Variants in RASGRF1 observed in about 807,000 individuals in gnomAD.
The protein encoded by RASGRF1 is ras-specific guanine nucleotide-releasing factor 1.
RASGRF1 carries 40 observed loss-of-function variants against 138.7 expected under a neutral mutation model. The observed-to-expected ratio is 0.29, with a 90% CI of 0.22 to 0.38. The LOEUF (loss-of-function observed/expected upper bound fraction) is 0.38, where lower values mean the gene tolerates loss of function less well. RASGRF1 is among the 10% of genes least tolerant of loss of function. RASGRF1 has a pLI of 1.00. For synonymous variants in RASGRF1, 614 were observed against 663.2 expected (o/e 0.93, Z 1.14); for missense variants, 1,108 against 1,650.4 (o/e 0.67, Z 5.69).
At chr15:79,048,702 C>T (rs969487545) in intron 4 of RASGRF1, among the ~76,000 whole-genome samples, 15 of 152,348 alleles carry the variant, frequency 9.8e-5, no homozygotes, top group Middle Eastern at 3.4e-3. Flanking sequence ...AAAAAGCCCA[C>T]TGTGTGGGAT....
Position 79,003,984 on chromosome 15 carries a change from A to G in RASGRF1, c.2267T>C (p.Leu756Pro). The G allele has an allele frequency of 6.2e-7, 1 of 1,614,130 alleles. No individual in the cohort carries two copies. ...PIITGGKALD[L>P]AALSCNSNGY... ...ATTGGAGTTGCAGCTGAGGGCGGCC[A>G]GGTCCAGGGCCTTGCCGCCAGTGAT... The change falls in exon 15 of 27, where the codon CTG becomes CCG. Residue 756 changes from leucine (L) to proline (P), a missense_variant. Around this residue, in one of 3 missense-constraint regions of RASGRF1, gnomAD observed 686 missense variants for 976.7 expected, o/e 0.70. Transcript: ENST00000558480.
chr15:79,071,364 C>CT (rs71451741), intron 1 of RASGRF1, among the ~76,000 whole-genome samples: 16,889 of 141,858 alleles, frequency 0.12, 1,071 homozygotes, highest in Middle Eastern at 0.16. Context: ...TTTCTTTTTT[C>CT]TTTTTTTTTT....
intron 13 of RASGRF1, among the ~76,000 whole-genome samples, chr15:79,008,037 T>C (rs995724311): frequency 4.0e-5 from 6 of 151,768 alleles, no homozygotes; most frequent in Non-Finnish European, 8.8e-5. Flanking sequence ...GAGATGGGGT[T>C]TCACCATGTT....
At chr15:78,977,364 C>T (rs2055894568) in intron 24 of RASGRF1, among the ~76,000 whole-genome samples, 1 of 152,072 alleles carries the variant, frequency 6.6e-6, no homozygotes, top group Non-Finnish European at 1.5e-5. Flanking sequence ...GGGCTGAATC[C>T]CCTGGGGCCA....
At chr15:79,000,690 A>G (rs1223505195) in intron 16 of RASGRF1, among the ~76,000 whole-genome samples, 2 of 152,190 alleles carry the variant, frequency 1.3e-5, no homozygotes, top group Non-Finnish European at 2.9e-5. Context: ...AGCAATCCAG[A>G]CTACTGAAGA....
intron 2 of RASGRF1, among the ~76,000 whole-genome samples, chr15:79,059,576 C>T (rs766837482): frequency 1.1e-4 from 17 of 152,196 alleles, no homozygotes; most frequent in Admixed American, 2.0e-4. Flanking sequence ...GTCCAAATCA[C>T]AGTCCATGAG....
intron 24 of RASGRF1, among the ~76,000 whole-genome samples, chr15:78,974,856 G>T (rs2055841851): frequency 6.6e-6 from 1 of 152,116 alleles, no homozygotes; most frequent in Admixed American, 6.5e-5. Flanking sequence ...CAAGTAAGCT[G>T]GTTTTCCATT....
At chr15:79,037,010 C>T (rs911712099) in intron 5 of RASGRF1, among the ~76,000 whole-genome samples, 1 of 152,120 alleles carries the variant, frequency 6.6e-6, no homozygotes, top group Non-Finnish European at 1.5e-5. Context: ...TCTATCATCT[C>T]CCTAAAGTTC....
At chr15:79,030,336 C>A (rs978903153) in intron 8 of RASGRF1, among the ~76,000 whole-genome samples, 2 of 152,164 alleles carry the variant, frequency 1.3e-5, no homozygotes, top group African/African-American at 4.8e-5. Context: ...CTAGTTCTGA[C>A]CACAAGGCCC....
chr15:79,021,090 C>T (rs2056954962), intron 10 of RASGRF1, among the ~76,000 whole-genome samples: 1 of 152,206 alleles, frequency 6.6e-6, no homozygotes, highest in South Asian at 2.1e-4. Context: ...CCCAGTTGAA[C>T]CTTCGGAACA....
At chr15:78,976,874 G>A (rs2055883695) in intron 24 of RASGRF1, among the ~76,000 whole-genome samples, 1 of 152,244 alleles carries the variant, frequency 6.6e-6, no homozygotes, top group Admixed American at 6.5e-5. Flanking sequence ...TTCTGGCAGA[G>A]CCCTCACGGG....
intron 1 of RASGRF1, among the ~76,000 whole-genome samples, chr15:79,068,652 C>T (rs531707506): frequency 1.3e-5 from 2 of 151,310 alleles, no homozygotes; most frequent in Admixed American, 6.6e-5. Context: ...ATCCATCTAT[C>T]GATATATCTG....
chr15:79,080,058 C>T (rs1217137981), intron 1 of RASGRF1, among the ~76,000 whole-genome samples: 1 of 152,240 alleles, frequency 6.6e-6, no homozygotes, highest in Non-Finnish European at 1.5e-5. Flanking sequence ...TGCTGGTCCC[C>T]TGTATGTAAG....
chr15:79,075,619 C>T (rs1406876889), intron 1 of RASGRF1, among the ~76,000 whole-genome samples: 1 of 152,252 alleles, frequency 6.6e-6, no homozygotes, highest in African/African-American at 2.4e-5. Flanking sequence ...GAACACAGAA[C>T]ATTGGACAAC....
At chr15:78,987,333 TAA>T (rs11307184) in intron 22 of RASGRF1, among the ~76,000 whole-genome samples, 50 of 150,950 alleles carry the variant, frequency 3.3e-4, no homozygotes, top group East Asian at 7.8e-4. Context: ...AAAAGATAAT[TAA>T]AAAAAAAAAC....
chr15:79,028,443 T>G (rs1205486317), intron 8 of RASGRF1, among the ~76,000 whole-genome samples: 1 of 152,198 alleles, frequency 6.6e-6, no homozygotes, highest in South Asian at 2.1e-4. Context: ...AGGGGATGAC[T>G]GACCTTAGCC....
chr15:78,969,820 T>C (rs2141593841), intron 26 of RASGRF1, among the ~76,000 whole-genome samples: 1 of 152,322 alleles, frequency 6.6e-6, no homozygotes, highest in South Asian at 2.1e-4. Context: ...TCTATTTCCC[T>C]CTAGAACACA....
At chr15:79,030,857 C>T (rs1361562394) in intron 8 of RASGRF1, among the ~76,000 whole-genome samples, 1 of 152,252 alleles carries the variant, frequency 6.6e-6, no homozygotes, top group South Asian at 2.1e-4. Flanking sequence ...CCGTGCTCCC[C>T]TGTGTCTGCC....
intron 22 of RASGRF1, among the ~76,000 whole-genome samples, chr15:78,987,217 C>T (rs995450215): frequency 2.6e-5 from 4 of 151,992 alleles, no homozygotes; most frequent in Admixed American, 6.5e-5. Context: ...ACTATATCAA[C>T]AGAGCAAGGG....
Sources: gnomAD v4.1 joint callset for allele counts (sites outside exome capture counted in the v4.1 genomes callset) on GRCh38, gnomAD v4.1.1 for gene constraint, gnomAD v4.1.1 regional missense constraint, MANE v1.5 for transcripts, NCBI Gene and HGNC (gene_info 2026-07-23, HGNC 2026-07-21) for gene names.